PRR12: variants seen among roughly 807,000 people sequenced by gnomAD.
PRR12 encodes proline-rich protein 12.
A neutral mutation model predicts 138.0 loss-of-function variants in PRR12; 12 were observed. That is an observed-to-expected ratio of 0.09 (90% CI 0.06 to 0.14). The LOEUF is 0.14. PRR12 is among the 10% of genes least tolerant of loss of function. The pLI is 1.00. For synonymous variants in PRR12, 1,567 were observed against 1,291.7 expected (o/e 1.21, Z -4.57); for missense variants, 2,692 against 2,861.3 (o/e 0.94, Z 1.35).
chr19:49,616,994 G>A lies in PRR12; in HGVS notation c.5497+775G>A, dbSNP rs532197948. Among the ~76,000 whole-genome samples the A allele has an allele frequency of 1.6e-4, 24 of 152,182 alleles. No individual in the cohort carries two copies. The South Asian group carries it at 5.0e-3, about 32-fold the overall frequency. ...AAAATACAAAAATTAGCCCAGCATG[G>A]TGGCGTGTGCCTGTAATCCCAGCTA... is the stretch of plus-strand genomic sequence containing the variant. On this transcript the variant is annotated intron_variant, in intron 9 of 13. Coordinates refer to ENST00000418929, the MANE Select transcript of PRR12 (RefSeq NM_020719.3). This position sits in a 1 kb window ranked among gnomAD's most constrained non-coding sequence, Gnocchi z 4.2.
At chr19:49,610,035 C>T (rs2080857952) in intron 6 of PRR12, among the ~76,000 whole-genome samples, 1 of 151,400 alleles carries the variant, frequency 6.6e-6, no homozygotes, top group Non-Finnish European at 1.5e-5. Context: ...AGTGCGATGG[C>T]GCGATCTCGG....
At chr19:49,593,916 CT>C (rs1225818059) in intron 2 of PRR12, among the ~76,000 whole-genome samples, 2 of 152,136 alleles carry the variant, frequency 1.3e-5, no homozygotes, top group East Asian at 1.9e-4. Context: ...GATTGGTTCC[CT>C]CTTCCTAGGG....
intron 6 of PRR12, among the ~76,000 whole-genome samples, chr19:49,604,750 CT>C (rs1282993309): frequency 6.6e-6 from 1 of 152,130 alleles, no homozygotes; most frequent in Non-Finnish European, 1.5e-5. Context: ...CAAGTTTTAT[CT>C]TTTTATATAA....
intron 6 of PRR12, among the ~76,000 whole-genome samples, chr19:49,607,569 A>G (rs1161684770): frequency 1.3e-5 from 2 of 151,876 alleles, no homozygotes; most frequent in Non-Finnish European, 2.9e-5. Context: ...TTAGCCGGAT[A>G]TAGTGGCATG....
At chr19:49,602,422 G>T (rs971246748) in intron 6 of PRR12, among the ~76,000 whole-genome samples, 5 of 152,210 alleles carry the variant, frequency 3.3e-5, no homozygotes, top group Non-Finnish European at 7.3e-5. Flanking sequence ...AATTGGGCCG[G>T]ACGCGGCAGC....
At chr19:49,603,179 A>G (rs2080821112) in intron 6 of PRR12, among the ~76,000 whole-genome samples, 1 of 152,232 alleles carries the variant, frequency 6.6e-6, no homozygotes, top group Non-Finnish European at 1.5e-5. Flanking sequence ...GAGTTGGATC[A>G]GAGGATTAAT....
In PRR12 at chr19:49,597,735, C is replaced by T. The variant is rs773110101; in HGVS notation, c.3400C>T (p.Leu1134Phe). The T allele has an allele frequency of 6.2e-7, 1 of 1,608,154 alleles. No homozygotes were observed. The highest frequency in any genetic ancestry group is 1.7e-5 in the Admixed American group (1 of 59,580). The change falls in exon 4 of 14, where the codon CTC (leucine) becomes TTC (phenylalanine). Residue 1134 changes from leucine (L) to phenylalanine (F), a missense_variant. Leu to Phe is a conservative substitution (Grantham distance 22). Transcript: ENST00000418929. The surrounding 1 kb of genome is among the most constrained non-coding windows in gnomAD (Gnocchi z 6.3). Reference protein sequence around the residue: ...LVSSCRSRPALSPLGDIDFCP... With the variant: ...LVSSCRSRPAFSPLGDIDFCP... ...CTCCAGCTGCCGCTCCCGTCCGGCC[C>T]TCTCGCCACTGGGGGACATCGACTT...
intron 11 of PRR12, among the ~76,000 whole-genome samples, chr19:49,622,906 A>AAACAT (rs1308506407): frequency 4.3e-5 from 4 of 93,692 alleles, no homozygotes; most frequent in Non-Finnish European, 5.9e-5. Flanking sequence ...AAAAAACAAA[A>AAACAT]ACATATATAT....
At chr19:49,622,063 C>G (rs1465752664) in intron 11 of PRR12, among the ~76,000 whole-genome samples, 1 of 152,146 alleles carries the variant, frequency 6.6e-6, no homozygotes, top group Non-Finnish European at 1.5e-5. Context: ...GTTAAACTGG[C>G]TCTGAGGATT....
intron 6 of PRR12, among the ~76,000 whole-genome samples, chr19:49,611,893 A>G (rs2080868179): frequency 8.4e-6 from 1 of 118,398 alleles, no homozygotes; most frequent in Non-Finnish European, 1.6e-5. Context: ...ACTGCACTCC[A>G]GCCTGGGCGA....
chr19:49,602,453 C>CT (rs2080817597), intron 6 of PRR12, among the ~76,000 whole-genome samples: 1 of 152,190 alleles, frequency 6.6e-6, no homozygotes, highest in East Asian at 1.9e-4. Context: ...AATCTCAGCA[C>CT]TTTGGGAGTT....
At chr19:49,604,782 C>G (rs2080829968) in intron 6 of PRR12, among the ~76,000 whole-genome samples, 1 of 152,158 alleles carries the variant, frequency 6.6e-6, no homozygotes, top group Admixed American at 6.6e-5. Flanking sequence ...ATTATAGAGA[C>G]TACTAGTAGC....
At position 49,594,993 on chromosome 19, in the gene PRR12, G is replaced by A. The variant is rs367580198; in HGVS notation, c.658G>A (p.Gly220Ser). 1.1e-4 allele frequency: 179 copies of A among 1,599,094 alleles called. No homozygotes were observed. The highest frequency in any genetic ancestry group is 1.4e-4 in the Non-Finnish European group (164 of 1,174,466). ...GGGVLGPAGL[G>S]PAQTPPYRPG... ...CGGTGTCTTGGGGCCAGCTGGTCTC[G>A]GTCCAGCCCAGACCCCCCCTTACCG... The change falls in exon 4 of 14, where the codon GGT becomes AGT. Residue 220 changes from glycine to serine, a missense_variant. Gly to Ser is a moderately conservative substitution (Grantham distance 56). Transcript: ENST00000418929. The surrounding 1 kb of genome is among the most constrained non-coding windows in gnomAD (Gnocchi z 5.6).
chr19:49,597,626 G>T lies in PRR12; in HGVS notation c.3291G>T (p.Gln1097His). 6.2e-7 allele frequency: 1 copy of T among 1,610,128 alleles called. No homozygotes were observed. ...PFQTPKKLYA[Q>H]EYEFEADEDK... The stretch of plus-strand genomic sequence containing the variant: ...AGACCCCCAAGAAGCTGTACGCCCA[G>T]GAGTACGAGTTCGAGGCGGACGAGG... The change falls in exon 4 of 14, where the codon CAG (glutamine) becomes CAT (histidine). Residue 1097 changes from glutamine to histidine, a missense_variant. Around this residue, in one of 11 missense-constraint regions of PRR12, gnomAD observed 840 missense variants for 689.8 expected, o/e 1.22. Transcript: ENST00000418929. The surrounding 1 kb of genome is among the most constrained non-coding windows in gnomAD (Gnocchi z 6.3).
chr19:49,599,387 C>T lies in PRR12; in HGVS notation c.3794C>T (p.Ala1265Val). 2 of 1,612,638 alleles carry T rather than the reference C, an allele frequency of 1.2e-6. No individual in the cohort carries two copies. The highest frequency in any genetic ancestry group is 1.7e-6 in the Non-Finnish European group (2 of 1,179,562). Residue 1265 changes from alanine to valine, a missense_variant, in exon 5 of 14, where the codon GCC (alanine) becomes GTC (valine). Ala to Val is a moderately conservative substitution (Grantham distance 64). Coordinates refer to ENST00000418929, the MANE Select transcript of PRR12 (RefSeq NM_020719.3). This position sits in a 1 kb window ranked among gnomAD's most constrained non-coding sequence, Gnocchi z 5.0. Reference sequence around the variant, plus strand: ...AGCCTGACTCGGGAGAAGATCGAGGCCAAGATTAAGGAGGTGGAGGAGAAG... The same window carrying T: ...AGCCTGACTCGGGAGAAGATCGAGGTCAAGATTAAGGAGGTGGAGGAGAAG... ...DSSLTREKIE[A>V]KIKEVEEKQP... is the part of the protein sequence containing the mutation.
Position 49,597,689 on chromosome 19 carries a change from C to T in PRR12, c.3354C>T (p.Pro1118=), listed in dbSNP as rs1340859621. 3 of 1,606,228 alleles carry T rather than the reference C, an allele frequency of 1.9e-6. No individual in the cohort carries two copies. Among genetic ancestry groups the T allele is most frequent in the Non-Finnish European group, 2.5e-6 (3 of 1,177,544 alleles). ...TTCCCGCCGACATCCGCCTCAACCC[C>T]CGGCGCTTGCCTGACCTGGTCTCCA... ...ADVPADIRLN[P]RRLPDLVSSC... is the part of the protein sequence containing the mutation. Residue 1118 remains proline (P), a synonymous_variant, in exon 4 of 14, where the codon CCC becomes CCT. Coordinates refer to ENST00000418929, the MANE Select transcript of PRR12 (RefSeq NM_020719.3). The surrounding 1 kb of genome is among the most constrained non-coding windows in gnomAD (Gnocchi z 6.3).
chr19:49,609,936 C>T (rs540426591), intron 6 of PRR12, among the ~76,000 whole-genome samples: 2 of 151,744 alleles, frequency 1.3e-5, no homozygotes, highest in African/African-American at 2.4e-5. Flanking sequence ...TGTCCTGGGA[C>T]GGACTCCCCT....
At chr19:49,609,423 C>A (rs976376719) in intron 6 of PRR12, among the ~76,000 whole-genome samples, 2 of 151,884 alleles carry the variant, frequency 1.3e-5, no homozygotes, top group African/African-American at 4.8e-5. Flanking sequence ...CAACATGGTG[C>A]AATCCCGTCT....
At chr19:49,593,248 A>AC in intron 1 of PRR12, 79 bp from the exon 2 acceptor site, 3 of 490,210 alleles carry the variant, frequency 6.1e-6, no homozygotes, top group South Asian at 2.2e-5. Flanking sequence ...GGTCCCCCCA[A>AC]CTCCCCGGGG....
Sources: allele counts gnomAD v4.1 joint callset (sites outside exome capture counted in the v4.1 genomes callset), GRCh38; gene constraint gnomAD v4.1.1; regional missense constraint gnomAD v4.1.1; non-coding constraint Gnocchi (gnomAD v3.1); transcripts MANE v1.5; gene names NCBI Gene and HGNC (gene_info 2026-07-23, HGNC 2026-07-21).